The following NEXMIF variants were observed in gnomAD, a reference collection of about 807,000 sequenced individuals.
NEXMIF encodes the protein neurite extension and migration factor.
NEXMIF carries 8 observed loss-of-function variants against 62.1 expected under a neutral mutation model. The observed-to-expected ratio is 0.13, with a 90% CI of 0.08 to 0.23. The LOEUF (loss-of-function observed/expected upper bound fraction) is 0.23, where lower values mean the gene tolerates loss of function less well. NEXMIF is among the 10% of genes least tolerant of loss of function. The pLI is 1.00. For missense variants in NEXMIF, 976 were observed against 1,113.3 expected (o/e 0.88, Z 1.75); for synonymous variants, 404 against 416.6 (o/e 0.97, Z 0.37).
At chrX:74,874,771 C>G (rs1301486381) in intron 1 of NEXMIF, among the ~76,000 whole-genome samples, 53 of 93,353 alleles carry the variant, frequency 5.7e-4, no homozygotes, top group Non-Finnish European at 9.6e-4. Context: ...AATGGGAGTT[C>G]ACTCATGATT....
intron 1 of NEXMIF, among the ~76,000 whole-genome samples, chrX:74,811,100 G>C (rs1429398208): frequency 8.9e-6 from 1 of 111,889 alleles, no homozygotes; most frequent in Non-Finnish European, 1.9e-5. Flanking sequence ...GGGCAACATA[G>C]CTAAGAGCCC....
At chrX:74,860,056 T>A (rs2080551428) in intron 1 of NEXMIF, among the ~76,000 whole-genome samples, 1 of 111,300 alleles carries the variant, frequency 9.0e-6, no homozygotes, top group Non-Finnish European at 1.9e-5. Flanking sequence ...TAACATTGAC[T>A]GTAAATGGAC....
At position 74,763,650 on chromosome X, in the gene NEXMIF, T is replaced by C. The variant is rs780583213; in HGVS notation, c.-47-17953A>G. Among the ~76,000 whole-genome samples, 5 of 111,626 alleles carry C rather than the reference T, an allele frequency of 4.5e-5. No homozygotes were observed. In the East Asian group the frequency reaches 8.4e-4, roughly 19 times the overall value. ...TGTCTTCTTTTATTTTGTTGAGCAG[T>C]GGTTTGTAGTTCTCCTTAAAGAGGT... On this transcript the variant is annotated intron_variant, in intron 1 of 3. Transcript: ENST00000055682.
intron 1 of NEXMIF, among the ~76,000 whole-genome samples, chrX:74,792,204 C>A (rs2080286515): frequency 9.0e-6 from 1 of 111,607 alleles, no homozygotes; most frequent in Non-Finnish European, 1.9e-5. Context: ...CAAAGAACAT[C>A]TTTATTTCTG....
At chrX:74,836,349 C>T in intron 1 of NEXMIF, among the ~76,000 whole-genome samples, 1 of 111,995 alleles carries the variant, frequency 8.9e-6, no homozygotes. Flanking sequence ...CTGCTTTTCT[C>T]ATACAGAAGG....
intron 1 of NEXMIF, among the ~76,000 whole-genome samples, chrX:74,910,607 G>C (rs1018048013): frequency 2.7e-5 from 3 of 111,522 alleles, no homozygotes; most frequent in African/African-American, 9.8e-5. Flanking sequence ...GGCGTGTTTG[G>C]TTTTGAAATG....
intron 1 of NEXMIF, among the ~76,000 whole-genome samples, chrX:74,872,953 A>AT (rs764943695): frequency 2.7e-4 from 29 of 108,488 alleles, no homozygotes; most frequent in Admixed American, 7.9e-4. Flanking sequence ...TTTAGTTTTT[A>AT]TTTTTTTTAA....
At chrX:74,789,444 T>G (rs1173075042) in intron 1 of NEXMIF, among the ~76,000 whole-genome samples, 1 of 109,750 alleles carries the variant, frequency 9.1e-6, no homozygotes, top group Non-Finnish European at 1.9e-5. Context: ...TATGTGTGCA[T>G]GTGTCTTTAT....
intron 1 of NEXMIF, among the ~76,000 whole-genome samples, chrX:74,844,878 T>C (rs927492800): frequency 4.1e-4 from 46 of 112,225 alleles, no homozygotes; most frequent in African/African-American, 1.4e-3. Flanking sequence ...CTTAATTATA[T>C]CTATTAATAC....
rs745998519 is a variant in NEXMIF at position 74,924,609 on chromosome X, T to TC, written c.-48+273dup. On this transcript the variant is annotated intron_variant, in intron 1 of 3. Coordinates refer to ENST00000055682, the MANE Select transcript of NEXMIF (RefSeq NM_001008537.3). ...GCGGCTCCGGTCCGCTCGCTTCCCC[T>TC]CCCCCCGCAACCCCCTTCCTACGGC... Among the ~76,000 whole-genome samples, 11 of 112,513 alleles carry TC rather than the reference T, an allele frequency of 9.8e-5. No homozygotes were observed. In the East Asian group the frequency reaches 3.1e-3, roughly 32 times the overall value.
intron 1 of NEXMIF, among the ~76,000 whole-genome samples, chrX:74,816,378 A>G (rs1444491548): frequency 8.9e-6 from 1 of 112,064 alleles, no homozygotes; most frequent in Non-Finnish European, 1.9e-5. Context: ...ACATCTTTGA[A>G]TATTAAGAAT....
At chrX:74,793,408 A>T (rs2080293020) in intron 1 of NEXMIF, among the ~76,000 whole-genome samples, 1 of 107,510 alleles carries the variant, frequency 9.3e-6, no homozygotes, top group Non-Finnish European at 1.9e-5. Flanking sequence ...TGCCCTTAAC[A>T]TTTTTTCCTT....
At chrX:74,852,700 G>A (rs2080520263) in intron 1 of NEXMIF, among the ~76,000 whole-genome samples, 1 of 111,479 alleles carries the variant, frequency 9.0e-6, no homozygotes, top group African/African-American at 3.3e-5. Flanking sequence ...AATGACCACT[G>A]GATTAAAGAA....
At chrX:74,878,913 G>A (rs182810557) in intron 1 of NEXMIF, among the ~76,000 whole-genome samples, 10 of 112,479 alleles carry the variant, frequency 8.9e-5, no homozygotes, top group East Asian at 2.8e-4. Context: ...AGATGAACCC[G>A]GTACCTCAGA....
chrX:74,764,609 TG>T (rs898997643), intron 1 of NEXMIF, among the ~76,000 whole-genome samples: 13 of 111,720 alleles, frequency 1.2e-4, no homozygotes, highest in African/African-American at 4.2e-4. Context: ...GGACTTTTTT[TG>T]GTTGGTAGGG....
At chrX:74,877,679 T>C (rs2080642447) in intron 1 of NEXMIF, among the ~76,000 whole-genome samples, 1 of 111,475 alleles carries the variant, frequency 9.0e-6, no homozygotes, top group South Asian at 3.8e-4. Context: ...TCTTGGAGGC[T>C]TTGCTCGTTT....
intron 1 of NEXMIF, among the ~76,000 whole-genome samples, chrX:74,749,052 G>C (rs905701422): frequency 3.6e-5 from 4 of 111,570 alleles, no homozygotes; most frequent in Non-Finnish European, 7.5e-5. Flanking sequence ...CTAGATCTCT[G>C]TTCTCAAGAT....
intron 1 of NEXMIF, among the ~76,000 whole-genome samples, chrX:74,755,292 T>C (rs887461805): frequency 8.9e-6 from 1 of 112,020 alleles, no homozygotes; most frequent in Non-Finnish European, 1.9e-5. Flanking sequence ...TGTTAGACTA[T>C]GCCATGAGGA....
chrX:74,872,568 G>C (rs2080606370), intron 1 of NEXMIF, among the ~76,000 whole-genome samples: 1 of 108,828 alleles, frequency 9.2e-6, no homozygotes, highest in Non-Finnish European at 1.9e-5. Flanking sequence ...TAGTCACTTA[G>C]TAAATATAGT....
Sources: allele counts gnomAD v4.1 joint callset (sites outside exome capture counted in the v4.1 genomes callset), GRCh38; gene constraint gnomAD v4.1.1; transcripts MANE v1.5; gene names NCBI Gene and HGNC (gene_info 2026-07-23, HGNC 2026-07-21).